SIAH3: variants seen among roughly 807,000 people sequenced by gnomAD.
The protein encoded by SIAH3 is seven in absentia homolog 3.
SIAH3 carries 9 observed loss-of-function variants against 12.6 expected under a neutral mutation model. The observed-to-expected ratio is 0.72, with a 90% CI of 0.43 to 1.25. The LOEUF (loss-of-function observed/expected upper bound fraction) is 1.25, where lower values mean the gene tolerates loss of function less well. SIAH3 is among the 50% of genes most tolerant of loss of function. SIAH3 has a pLI of 0.00. For missense variants in SIAH3, 390 were observed against 365.4 expected (o/e 1.07, Z -0.55); for synonymous variants, 154 against 151.1 (o/e 1.02, Z -0.14).
At chr13:45,830,965 G>A (rs1026583849) in intron 1 of SIAH3, among the ~76,000 whole-genome samples, 3 of 152,118 alleles carry the variant, frequency 2.0e-5, no homozygotes, top group Non-Finnish European at 4.4e-5. Flanking sequence ...GATCACCTGA[G>A]GTTAGGAGCT....
chr13:45,837,698 G>T (rs1950723627), intron 1 of SIAH3, among the ~76,000 whole-genome samples: 1 of 152,112 alleles, frequency 6.6e-6, no homozygotes, highest in Admixed American at 6.5e-5. Flanking sequence ...ATCTGGTCTA[G>T]GTGCTTTTGC....
intron 1 of SIAH3, among the ~76,000 whole-genome samples, chr13:45,844,067 G>T (rs992684824): frequency 1.3e-5 from 2 of 152,228 alleles, no homozygotes; most frequent in Admixed American, 6.5e-5. Flanking sequence ...CATGTTAGTT[G>T]TATCATGTTA....
In SIAH3 at chr13:45,804,792, T is replaced by C. The variant is rs532980310; in HGVS notation, c.136-20735A>G. ...TAGTCCAAGTATCTCCCTTCATTGA[T>C]GACATGATTCTATACCTAGAAAACC... On this transcript the variant is annotated intron_variant, in intron 1 of 1. Coordinates refer to ENST00000400405, the MANE Select transcript of SIAH3 (RefSeq NM_198849.3). 4.6e-5 allele frequency among the ~76,000 whole-genome samples: 7 copies of C among 152,140 alleles called. No individual in the cohort carries two copies. The East Asian group carries it at 1.4e-3, about 29-fold the overall frequency.
chr13:45,799,565 T>C (rs1465899817), intron 1 of SIAH3, among the ~76,000 whole-genome samples: 1 of 152,072 alleles, frequency 6.6e-6, no homozygotes, highest in Non-Finnish European at 1.5e-5. Flanking sequence ...TTATCACAAG[T>C]AGTTTGTACC....
intron 1 of SIAH3, among the ~76,000 whole-genome samples, chr13:45,792,711 A>G (rs1950550077): frequency 6.6e-6 from 1 of 152,106 alleles, no homozygotes; most frequent in Non-Finnish European, 1.5e-5. Context: ...AGAGTCTCAT[A>G]CCTTGTTTTT....
At chr13:45,801,970 G>C (rs1302729417) in intron 1 of SIAH3, among the ~76,000 whole-genome samples, 2 of 152,178 alleles carry the variant, frequency 1.3e-5, no homozygotes, top group African/African-American at 4.8e-5. Context: ...TGGAAACTGT[G>C]ATATTACACA....
chr13:45,805,681 A>G (rs371307024), intron 1 of SIAH3, among the ~76,000 whole-genome samples: 1 of 152,154 alleles, frequency 6.6e-6, no homozygotes, highest in African/African-American at 2.4e-5. Flanking sequence ...AGAATTTATA[A>G]CTAAGTCCCT....
rs1950566610 is a variant in SIAH3, at chr13:45,797,360, A to G, written c.136-13303T>C. ...CTGCATAATGCCTGCCGCTTGGGTG[A>G]CCTCTAGGATCATCCTGAAGGCTGG... On this transcript the variant is annotated intron_variant, in intron 1 of 1. Transcript: ENST00000400405. Among the ~76,000 whole-genome samples the G allele has an allele frequency of 2.0e-5, 3 of 152,038 alleles. No homozygotes were observed. In the South Asian group the frequency reaches 6.3e-4, roughly 32 times the overall value.
At chr13:45,824,762 T>A (rs950881991) in intron 1 of SIAH3, among the ~76,000 whole-genome samples, 12 of 152,108 alleles carry the variant, frequency 7.9e-5, no homozygotes, top group Non-Finnish European at 1.5e-4. Context: ...TCTCTATCAC[T>A]TATCAGAGAA....
chr13:45,829,815 T>C (rs1950691942), intron 1 of SIAH3, among the ~76,000 whole-genome samples: 1 of 152,132 alleles, frequency 6.6e-6, no homozygotes. Flanking sequence ...CTAATAAATC[T>C]CACTCCTATT....
intron 1 of SIAH3, among the ~76,000 whole-genome samples, chr13:45,849,471 A>T (rs1950772069): frequency 6.6e-6 from 1 of 152,206 alleles, no homozygotes; most frequent in African/African-American, 2.4e-5. Context: ...TTTAGAGGAG[A>T]GTTATGAAAC....
At chr13:45,796,331 C>A (rs1246662653) in intron 1 of SIAH3, among the ~76,000 whole-genome samples, 3 of 152,066 alleles carry the variant, frequency 2.0e-5, no homozygotes, top group Non-Finnish European at 4.4e-5. Flanking sequence ...GGACATATTT[C>A]ATGGGCGGGG....
chr13:45,783,312 G>A lies in SIAH3; in HGVS notation c.*71C>T. On this transcript the variant is annotated 3_prime_UTR_variant, in exon 2 of 2. Transcript: ENST00000400405. ...AAGGAGAAGAATAAAAAGGAGTCTG[G>A]AGTCCTGGTATTGGGAGGTCCCAGG... 6 of 1,206,902 alleles carry A rather than the reference G, an allele frequency of 5.0e-6. No individual in the cohort carries two copies. The highest frequency in any genetic ancestry group is 6.9e-6 in the Non-Finnish European group (6 of 864,596). The allele number at this position is 1,206,902 out of a possible 1,614,324, so 74.8% of individuals were successfully genotyped here.
chr13:45,851,385 C>A, intron 1 of SIAH3, 110 bp downstream of exon 1: 3 of 1,451,540 alleles, frequency 2.1e-6, no homozygotes, highest in Admixed American at 3.8e-5. Flanking sequence ...TCCCAGCCCC[C>A]GAGACCCGGG....
chr13:45,803,804 G>T (rs1181109232), intron 1 of SIAH3, among the ~76,000 whole-genome samples: 2 of 152,106 alleles, frequency 1.3e-5, no homozygotes, highest in African/African-American at 4.8e-5. Flanking sequence ...GACTGCTAAG[G>T]AGTTTGAGTC....
chr13:45,803,208 A>T (rs1048039470), intron 1 of SIAH3, among the ~76,000 whole-genome samples: 2 of 152,214 alleles, frequency 1.3e-5, no homozygotes, highest in African/African-American at 4.8e-5. Flanking sequence ...CATACACAGC[A>T]AGTGATCAGG....
intron 1 of SIAH3, among the ~76,000 whole-genome samples, chr13:45,789,983 G>A (rs1465334557): frequency 1.3e-5 from 2 of 152,214 alleles, no homozygotes; most frequent in African/African-American, 4.8e-5. Context: ...TTTTCGAGCT[G>A]TAAAGATTAG....
intron 1 of SIAH3, among the ~76,000 whole-genome samples, chr13:45,795,698 T>C (rs6561264): frequency 0.53 from 79,975 of 151,968 alleles, 22,310 homozygotes; most frequent in African/African-American, 0.66. Flanking sequence ...TTGTTAGTAG[T>C]GGGGTAAGAT....
chr13:45,787,592 G>C (rs567222698), intron 1 of SIAH3, among the ~76,000 whole-genome samples: 105 of 152,336 alleles, frequency 6.9e-4, no homozygotes, highest in African/African-American at 2.5e-3. Flanking sequence ...ACAGGGAAAA[G>C]AGCAGGTTTG....
Sources: gnomAD v4.1 joint callset for allele counts (sites outside exome capture counted in the v4.1 genomes callset) on GRCh38, gnomAD v4.1.1 for gene constraint, MANE v1.5 for transcripts, NCBI Gene and HGNC (gene_info 2026-07-23, HGNC 2026-07-21) for gene names.